PTPRD: variants seen among roughly 807,000 people sequenced by gnomAD.
PTPRD encodes the protein protein tyrosine phosphatase receptor type D, also known as receptor-type tyrosine-protein phosphatase delta.
A neutral mutation model predicts 214.5 loss-of-function variants in PTPRD; 34 were observed. That is an observed-to-expected ratio of 0.16 (90% CI 0.12 to 0.21). PTPRD has a LOEUF of 0.21. Ranked by LOEUF, PTPRD falls within the 10% of genes least tolerant of loss-of-function variation. The pLI is 1.00. For missense variants in PTPRD, 2,545 were observed against 2,398.7 expected, an observed-to-expected ratio of 1.06 and a Z score of -1.27; for synonymous variants, 1,128 against 845.7, an observed-to-expected ratio of 1.33 and a Z score of -5.79.
intron 11 of PTPRD, among the ~76,000 whole-genome samples, chr9:8,812,447 T>G (rs981873367): frequency 6.6e-6 from 1 of 152,230 alleles, no homozygotes; most frequent in African/African-American, 2.4e-5. Context: ...TTTGGTAAAC[T>G]TATATCCATC....
At chr9:9,182,871 G>C (rs2099929052) in intron 10 of PTPRD, among the ~76,000 whole-genome samples, 1 of 151,666 alleles carries the variant, frequency 6.6e-6, no homozygotes, top group Admixed American at 6.6e-5. Context: ...ACAATAAATA[G>C]CTTTGTAGCT....
Position 9,295,346 on chromosome 9 carries a change from A to G in PTPRD, c.-203+102103T>C, listed in dbSNP as rs187782577. 1.1e-4 allele frequency among the ~76,000 whole-genome samples: 16 copies of G among 151,770 alleles called. No homozygotes were observed. In the East Asian group the frequency reaches 3.1e-3, roughly 30 times the overall value. On this transcript the variant is annotated intron_variant, in intron 9 of 45. Coordinates refer to ENST00000381196, the MANE Select transcript of PTPRD (RefSeq NM_002839.4). Reference sequence around the variant, plus strand: ...CCAAATGAGTGAATCTTTACAGCTTACTCCCTTTTTTAATACCATTTTTTT... The same window carrying G: ...CCAAATGAGTGAATCTTTACAGCTTGCTCCCTTTTTTAATACCATTTTTTT...
At chr9:9,593,793 A>G (rs2093009436) in intron 7 of PTPRD, among the ~76,000 whole-genome samples, 1 of 152,032 alleles carries the variant, frequency 6.6e-6, no homozygotes, top group South Asian at 2.1e-4. Context: ...AAGAATTTCC[A>G]TTCACTTGTA....
chr9:10,090,625 A>ATT (rs72547144), intron 3 of PTPRD, among the ~76,000 whole-genome samples: 62,794 of 148,368 alleles, frequency 0.42, 14,136 homozygotes, highest in African/African-American at 0.55. Flanking sequence ...TAAAGTATAC[A>ATT]TAAATAAAAA....
chr9:8,857,162 C>G (rs941475020), intron 11 of PTPRD, among the ~76,000 whole-genome samples: 2 of 152,120 alleles, frequency 1.3e-5, no homozygotes, highest in Non-Finnish European at 2.9e-5. Context: ...CCTGCTATTT[C>G]TCCTTCTCCC....
chr9:8,653,411 T>C (rs1242962590), intron 12 of PTPRD, among the ~76,000 whole-genome samples: 3 of 152,172 alleles, frequency 2.0e-5, no homozygotes, highest in Non-Finnish European at 4.4e-5. Context: ...ATTATTTTTT[T>C]AAAGGGTCAA....
intron 3 of PTPRD, among the ~76,000 whole-genome samples, chr9:10,232,552 C>T (rs1165751393): frequency 1.3e-5 from 2 of 151,952 alleles, no homozygotes; most frequent in African/African-American, 4.8e-5. Context: ...AAATGTGCTT[C>T]CAGCAGATGG....
intron 5 of PTPRD, among the ~76,000 whole-genome samples, chr9:9,849,029 C>A (rs2060059250): frequency 6.6e-6 from 1 of 151,704 alleles, no homozygotes; most frequent in Non-Finnish European, 1.5e-5. Flanking sequence ...CAGGGTGTGT[C>A]TATGTATTTG....
intron 3 of PTPRD, among the ~76,000 whole-genome samples, chr9:10,039,779 A>C (rs775963833): frequency 1.8e-4 from 27 of 152,116 alleles, no homozygotes; most frequent in Non-Finnish European, 3.8e-4. Context: ...ATCAAATTGG[A>C]TACGACTGCT....
chr9:9,254,782 C>G (rs1157647882), intron 9 of PTPRD, among the ~76,000 whole-genome samples: 1 of 152,038 alleles, frequency 6.6e-6, no homozygotes, highest in African/African-American at 2.4e-5. Context: ...CCTGCGCCCT[C>G]ATTCCTTTTA....
At chr9:8,321,072 G>A (rs936120264) in intron 44 of PTPRD, among the ~76,000 whole-genome samples, 5 of 152,086 alleles carry the variant, frequency 3.3e-5, no homozygotes, top group African/African-American at 4.8e-5. Flanking sequence ...GAAAATCCAA[G>A]CGGAGTCAGT....
At chr9:9,193,343 CT>C (rs1397246720) in intron 9 of PTPRD, among the ~76,000 whole-genome samples, 1 of 151,988 alleles carries the variant, frequency 6.6e-6, no homozygotes, top group African/African-American at 2.4e-5. Context: ...TATTTGAAGC[CT>C]ATTTTAAGGG....
intron 14 of PTPRD, among the ~76,000 whole-genome samples, chr9:8,579,985 T>A (rs1005843086): frequency 2.0e-5 from 3 of 152,136 alleles, no homozygotes; most frequent in African/African-American, 7.2e-5. Flanking sequence ...CACTCCTGGG[T>A]GGTAGCTATG....
intron 2 of PTPRD, among the ~76,000 whole-genome samples, chr9:10,397,024 T>C (rs1395003000): frequency 6.6e-6 from 1 of 151,982 alleles, no homozygotes; most frequent in African/African-American, 2.4e-5. Flanking sequence ...TGTGGGGCTC[T>C]TACAAATAGC....
chr9:10,402,650 GAAACT>G (rs2098288681), intron 2 of PTPRD, among the ~76,000 whole-genome samples: 1 of 151,610 alleles, frequency 6.6e-6, no homozygotes, highest in Admixed American at 6.6e-5. Context: ...ATAAACTGAA[GAAACT>G]AAACTAAATA....
chr9:10,238,915 T>A (rs1227767071), intron 3 of PTPRD, among the ~76,000 whole-genome samples: 2 of 151,896 alleles, frequency 1.3e-5, no homozygotes, highest in African/African-American at 4.8e-5. Flanking sequence ...TATGTTTTGT[T>A]TGTCAGATCG....
intron 8 of PTPRD, among the ~76,000 whole-genome samples, chr9:9,479,368 CACACAT>C (rs1469406676): frequency 6.6e-6 from 1 of 151,158 alleles, no homozygotes; most frequent in African/African-American, 2.5e-5. Flanking sequence ...CACACACACA[CACACAT>C]ACACTCATTG....
At chr9:10,521,515 T>C (rs575458875) in intron 2 of PTPRD, among the ~76,000 whole-genome samples, 2 of 152,194 alleles carry the variant, frequency 1.3e-5, no homozygotes, top group South Asian at 2.1e-4. Context: ...TTTGAGAGGA[T>C]TGTCTCCAAT....
chr9:9,344,429 G>A (rs765797187), intron 9 of PTPRD, among the ~76,000 whole-genome samples: 10 of 152,016 alleles, frequency 6.6e-5, no homozygotes, highest in Non-Finnish European at 7.4e-5. Context: ...AACCACGATG[G>A]CACATGTATG....
Sources: gnomAD v4.1 joint callset for allele counts (sites outside exome capture counted in the v4.1 genomes callset) on GRCh38, gnomAD v4.1.1 for gene constraint, MANE v1.5 for transcripts, NCBI Gene and HGNC (gene_info 2026-07-23, HGNC 2026-07-21) for gene names.